The following XKR4 variants were observed in gnomAD, a reference collection of about 807,000 sequenced individuals.
XKR4 encodes the protein XK related 4.
XKR4 carries 12 observed loss-of-function variants against 53.9 expected under a neutral mutation model. The observed-to-expected ratio is 0.22, with a 90% CI of 0.14 to 0.36. XKR4 has a LOEUF of 0.36. Ranked by LOEUF, XKR4 falls within the 10% of genes least tolerant of loss-of-function variation. The pLI is 1.00. For missense variants in XKR4, 799 were observed against 859.5 expected, an observed-to-expected ratio of 0.93 and a Z score of 0.88; for synonymous variants, 354 against 362.4, an observed-to-expected ratio of 0.98 and a Z score of 0.26.
chr8:55,152,743 A>G (rs958584251), intron 1 of XKR4, among the ~76,000 whole-genome samples: 1 of 152,230 alleles, frequency 6.6e-6, no homozygotes, highest in African/African-American at 2.4e-5. Context: ...GTTTTGCTCT[A>G]ATACAGTTCA....
In XKR4 at chr8:55,103,043, CCCG is replaced by C. The variant is rs1816076113; in HGVS notation, c.557_559del (p.Pro186del). 6.2e-7 allele frequency: 1 copy of C among 1,612,548 alleles called. No individual in the cohort carries two copies. The highest frequency in any genetic ancestry group is 1.1e-5 in the South Asian group (1 of 91,046). On this transcript the variant is annotated inframe_deletion, in exon 1 of 3. Coordinates refer to ENST00000327381, the MANE Select transcript of XKR4 (RefSeq NM_052898.2). The stretch of plus-strand genomic sequence containing the variant: ...CCACGGCCGCTGCTGCCTCCAGCTG[CCCG>C]CAGCCTGGAGCCGATTGCAAGACGG...
rs1001946922 is a variant in XKR4 at position 55,102,888 on chromosome 8, G to A, written c.400G>A (p.Val134Met). The A allele has an allele frequency of 1.9e-6, 3 of 1,612,018 alleles. No individual in the cohort carries two copies. The highest frequency in any genetic ancestry group is 2.7e-5 in the African/African-American group (2 of 74,946). The change falls in exon 1 of 3, where the codon GTG (valine) becomes ATG (methionine). Residue 134 changes from valine to methionine, a missense_variant. Val to Met is a conservative substitution (Grantham distance 21). Transcript: ENST00000327381. The surrounding 1 kb of genome is among the most constrained non-coding windows in gnomAD (Gnocchi z 5.1). ...CGTGGGCACAGACGTCTGGCTCGCC[G>A]TGGACTACTACCTGCGCGGCCAGCG... The part of the protein sequence containing the change: ...ADVGTDVWLA[V>M]DYYLRGQRWW...
intron 1 of XKR4, among the ~76,000 whole-genome samples, chr8:55,190,279 C>T (rs906585108): frequency 3.3e-5 from 5 of 152,080 alleles, no homozygotes; most frequent in East Asian, 1.9e-4. Context: ...CTGTGCCTAA[C>T]GATACAGGGC....
At chr8:55,225,468 C>A (rs1585950735) in intron 1 of XKR4, among the ~76,000 whole-genome samples, 2 of 152,192 alleles carry the variant, frequency 1.3e-5, no homozygotes, top group East Asian at 3.8e-4. Context: ...CTATCATTGA[C>A]CCCATCATGG....
At chr8:55,224,577 T>C (rs1305752590) in intron 1 of XKR4, among the ~76,000 whole-genome samples, 1 of 152,160 alleles carries the variant, frequency 6.6e-6, no homozygotes, top group Non-Finnish European at 1.5e-5. Flanking sequence ...AAGTGTGCTG[T>C]ATGGAACTTT....
chr8:55,370,714 G>T (rs186852791), intron 2 of XKR4, among the ~76,000 whole-genome samples: 29 of 152,194 alleles, frequency 1.9e-4, no homozygotes, highest in East Asian at 7.7e-4. Context: ...AGCCCTCAGG[G>T]TATAAAAGAA....
intron 1 of XKR4, among the ~76,000 whole-genome samples, chr8:55,295,253 T>C (rs1372324336): frequency 6.6e-6 from 1 of 152,018 alleles, no homozygotes; most frequent in Non-Finnish European, 1.5e-5. Flanking sequence ...AAGGTAGTAA[T>C]GAATGACATG....
chr8:55,431,505 A>G (rs980668924), intron 2 of XKR4, among the ~76,000 whole-genome samples: 7 of 152,226 alleles, frequency 4.6e-5, no homozygotes, highest in Non-Finnish European at 1.0e-4. Context: ...AGATTTCAGA[A>G]AGCAGATTAT....
At chr8:55,430,342 T>C (rs1805084030) in intron 2 of XKR4, among the ~76,000 whole-genome samples, 1 of 152,174 alleles carries the variant, frequency 6.6e-6, no homozygotes. Flanking sequence ...CACAAAAACC[T>C]GTGCATCAAA....
At chr8:55,138,811 T>C (rs1344250361) in intron 1 of XKR4, among the ~76,000 whole-genome samples, 1 of 152,174 alleles carries the variant, frequency 6.6e-6, no homozygotes, top group Non-Finnish European at 1.5e-5. Context: ...CACTTTTTAT[T>C]TTTTTGGAGA....
intron 2 of XKR4, among the ~76,000 whole-genome samples, chr8:55,404,943 C>CTGCGT (rs1804662280): frequency 6.6e-6 from 1 of 152,188 alleles, no homozygotes; most frequent in African/African-American, 2.4e-5. Flanking sequence ...GTCTTTGATG[C>CTGCGT]TGCGTTGCGC....
At chr8:55,429,816 T>G (rs1805073654) in intron 2 of XKR4, among the ~76,000 whole-genome samples, 1 of 152,074 alleles carries the variant, frequency 6.6e-6, no homozygotes, top group Non-Finnish European at 1.5e-5. Flanking sequence ...ACTTTTGCTC[T>G]GCAGAAGACA....
At chr8:55,334,557 G>T (rs1037632781) in intron 1 of XKR4, among the ~76,000 whole-genome samples, 39 of 152,112 alleles carry the variant, frequency 2.6e-4, no homozygotes, top group Non-Finnish European at 8.8e-5. Flanking sequence ...GTATACTCAA[G>T]GTTGATCTGA....
chr8:55,357,025 G>C (rs945503424), intron 1 of XKR4, among the ~76,000 whole-genome samples: 12 of 152,110 alleles, frequency 7.9e-5, no homozygotes, highest in African/African-American at 2.9e-4. Context: ...TGTGTTGATA[G>C]ACTGTTTATG....
intron 1 of XKR4, among the ~76,000 whole-genome samples, chr8:55,233,257 A>C (rs891329493): frequency 6.6e-6 from 1 of 152,208 alleles, no homozygotes; most frequent in Non-Finnish European, 1.5e-5. Context: ...AATAATTCAG[A>C]GTTTCACCCC....
chr8:55,335,805 A>G (rs1803451470), intron 1 of XKR4, among the ~76,000 whole-genome samples: 1 of 151,844 alleles, frequency 6.6e-6, no homozygotes, highest in Non-Finnish European at 1.5e-5. Context: ...ATGCCGAATG[A>G]AAAAAATCTA....
intron 1 of XKR4, among the ~76,000 whole-genome samples, chr8:55,157,902 T>A (rs1816931271): frequency 6.6e-6 from 1 of 152,244 alleles, no homozygotes; most frequent in African/African-American, 2.4e-5. Context: ...TCTATGTACA[T>A]TTTCTTTATC....
intron 2 of XKR4, among the ~76,000 whole-genome samples, chr8:55,363,661 GA>G (rs961279516): frequency 1.3e-5 from 2 of 152,156 alleles, no homozygotes; most frequent in African/African-American, 4.8e-5. Context: ...CTGGGTTAGA[GA>G]AAATCCCAGT....
At chr8:55,394,649 T>C (rs1453471182) in intron 2 of XKR4, among the ~76,000 whole-genome samples, 1 of 152,072 alleles carries the variant, frequency 6.6e-6, no homozygotes, top group African/African-American at 2.4e-5. Flanking sequence ...ATAAAGAGAG[T>C]TATTTAAACA....
Sources: allele counts gnomAD v4.1 joint callset (sites outside exome capture counted in the v4.1 genomes callset), GRCh38; gene constraint gnomAD v4.1.1; non-coding constraint Gnocchi (gnomAD v3.1); transcripts MANE v1.5; gene names NCBI Gene and HGNC (gene_info 2026-07-23, HGNC 2026-07-21).